The following PDE1C variants were observed in gnomAD, a reference collection of about 807,000 sequenced individuals.
PDE1C encodes dual specificity calcium/calmodulin-dependent 3',5'-cyclic nucleotide phosphodiesterase 1C.
Under a neutral mutation model 93.1 loss-of-function variants are expected in PDE1C, and 62 were observed. That is an observed-to-expected ratio of 0.67 (90% confidence interval 0.54 to 0.82). PDE1C has a LOEUF of 0.82. Among genes scored for constraint, PDE1C ranks in the 40% least tolerant of loss-of-function variants. PDE1C has a pLI of 0.00. For synonymous variants in PDE1C, 325 were observed against 310.1 expected (o/e 1.05, Z -0.50); for missense variants, 742 against 884.6 (o/e 0.84, Z 2.04).
chr7:32,323,230 G>A (rs1362406522), intron 1 of PDE1C, among the ~76,000 whole-genome samples: 1 of 152,074 alleles, frequency 6.6e-6, no homozygotes, highest in East Asian at 1.9e-4. Flanking sequence ...AATAGAAAAA[G>A]CCAAAATAAA....
At chr7:32,410,844 C>G (rs1785155474) in intron 1 of PDE1C, among the ~76,000 whole-genome samples, 2 of 152,200 alleles carry the variant, frequency 1.3e-5, no homozygotes, top group African/African-American at 4.8e-5. Context: ...TTCAGGCCCA[C>G]AAGTGTGATG....
At chr7:32,280,705 A>G (rs938327173) in intron 1 of PDE1C, among the ~76,000 whole-genome samples, 1 of 152,208 alleles carries the variant, frequency 6.6e-6, no homozygotes, top group African/African-American at 2.4e-5. Flanking sequence ...TCCATCAAGA[A>G]TAAAAATGAG....
intron 2 of PDE1C, among the ~76,000 whole-genome samples, chr7:31,956,591 G>A (rs2129023099): frequency 6.6e-6 from 1 of 151,394 alleles, no homozygotes; most frequent in East Asian, 1.9e-4. Context: ...TCTTTAGATA[G>A]GTTACACAGA....
chr7:32,414,291 T>C (rs774624407), intron 1 of PDE1C, among the ~76,000 whole-genome samples: 53 of 151,076 alleles, frequency 3.5e-4, no homozygotes, highest in Non-Finnish European at 5.7e-4. Context: ...CACAGAACAC[T>C]CATTAAAAAA....
intron 2 of PDE1C, among the ~76,000 whole-genome samples, chr7:31,960,836 G>A (rs1808836102): frequency 6.6e-6 from 1 of 152,196 alleles, no homozygotes; most frequent in Non-Finnish European, 1.5e-5. Flanking sequence ...TCTAACAGGT[G>A]TATCAGTCAA....
At chr7:32,172,795 C>G (rs1326671639) in intron 2 of PDE1C, among the ~76,000 whole-genome samples, 2 of 145,006 alleles carry the variant, frequency 1.4e-5, no homozygotes, top group East Asian at 4.0e-4. Context: ...GCACTCCAGC[C>G]TGGGCAACAA....
At chr7:31,797,779 G>A (rs911294545) in intron 16 of PDE1C, among the ~76,000 whole-genome samples, 2 of 151,634 alleles carry the variant, frequency 1.3e-5, no homozygotes, top group Non-Finnish European at 3.0e-5. Context: ...TAAAAACAAC[G>A]CAGTATCGTC....
intron 2 of PDE1C, among the ~76,000 whole-genome samples, chr7:31,977,061 C>T (rs556134942): frequency 6.6e-6 from 1 of 152,276 alleles, no homozygotes; most frequent in East Asian, 1.9e-4. Flanking sequence ...TTCAGAAACA[C>T]TAAATTTAAG....
At chr7:32,427,054 C>A (rs1328942131) in intron 1 of PDE1C, among the ~76,000 whole-genome samples, 1 of 152,130 alleles carries the variant, frequency 6.6e-6, no homozygotes, top group Non-Finnish European at 1.5e-5. Flanking sequence ...ACAGGATCTG[C>A]CCCGACGAAA....
In PDE1C at chr7:32,372,283, G is replaced by T. The variant is rs762442263; in HGVS notation, c.310+55539C>A. On this transcript the variant is annotated intron_variant, in intron 1 of 1. Transcript: ENST00000672256. Reference sequence around the variant, plus strand: ...TGGCCAGGCTGGTCTTGAACTCCTGGTCTCAAATGATCCACCCACCTCGGC... The same window carrying T: ...TGGCCAGGCTGGTCTTGAACTCCTGTTCTCAAATGATCCACCCACCTCGGC... 1.5e-4 allele frequency among the ~76,000 whole-genome samples: 23 copies of T among 152,002 alleles called. 1 individual carries two copies. Among genetic ancestry groups the T allele is most frequent in the Non-Finnish European group, 3.2e-4 (22 of 68,010 alleles).
intron 1 of PDE1C, among the ~76,000 whole-genome samples, chr7:32,234,443 A>C (rs1433228608): frequency 6.6e-6 from 1 of 151,994 alleles, no homozygotes; most frequent in Non-Finnish European, 1.5e-5. Flanking sequence ...GGCTCAACAC[A>C]GACCCTGCAG....
chr7:32,060,451 T>C (rs1056036032), intron 1 of PDE1C, among the ~76,000 whole-genome samples: 3 of 152,186 alleles, frequency 2.0e-5, no homozygotes, highest in African/African-American at 4.8e-5. Flanking sequence ...AAATCCTATC[T>C]TGTAGTAGCA....
the PDE1C span, among the ~76,000 whole-genome samples, chr7:31,701,198 T>C: frequency 6.6e-6 from 1 of 152,198 alleles, no homozygotes; most frequent in African/African-American, 2.4e-5. Flanking sequence ...TTAAGAACAT[T>C]TGTGACTCAA....
At chr7:32,151,688 G>T (rs1320025351) in intron 3 of PDE1C, among the ~76,000 whole-genome samples, 1 of 152,130 alleles carries the variant, frequency 6.6e-6, no homozygotes, top group Non-Finnish European at 1.5e-5. Flanking sequence ...TCTAGAAAAT[G>T]CAAACTAATC....
Position 31,840,773 on chromosome 7 carries a change from G to A in PDE1C, c.981-2802C>T, listed in dbSNP as rs115544497. On this transcript the variant is annotated intron_variant, in intron 9 of 17. Transcript: ENST00000396191. Reference sequence around the variant, plus strand: ...ACTCTCAATTCTGTCCCATAGTTACGTATGTCCATCTTTCACCAGTGAAAT... The same window carrying A: ...ACTCTCAATTCTGTCCCATAGTTACATATGTCCATCTTTCACCAGTGAAAT... Among the ~76,000 whole-genome samples the A allele has an allele frequency of 1.4e-3, 216 of 152,138 alleles. 2 individuals are homozygous for A. The highest frequency in any genetic ancestry group is 4.9e-3 in the African/African-American group (205 of 41,518).
chr7:31,877,225 G>C (rs753995736), intron 5 of PDE1C, among the ~76,000 whole-genome samples: 11 of 152,160 alleles, frequency 7.2e-5, no homozygotes, highest in Non-Finnish European at 1.2e-4. Context: ...ATCAAGTTTA[G>C]CAAATCTCAA....
chr7:32,294,532 C>A (rs1337742116), intron 1 of PDE1C, among the ~76,000 whole-genome samples: 1 of 152,128 alleles, frequency 6.6e-6, no homozygotes, highest in Non-Finnish European at 1.5e-5. Context: ...CAGGGAGGAG[C>A]ATCAAAAGAG....
chr7:32,403,848 G>A (rs1785000111), intron 1 of PDE1C, among the ~76,000 whole-genome samples: 1 of 152,100 alleles, frequency 6.6e-6, no homozygotes, highest in South Asian at 2.1e-4. Flanking sequence ...GGGTTGGTGG[G>A]GAGGAGTGAC....
At chr7:32,080,369 G>A (rs1375469433) in intron 3 of PDE1C, among the ~76,000 whole-genome samples, 1 of 152,102 alleles carries the variant, frequency 6.6e-6, no homozygotes, top group Non-Finnish European at 1.5e-5. Flanking sequence ...CAAGTACTGT[G>A]AAATTTATTT....
Sources: gnomAD v4.1 joint callset for allele counts (sites outside exome capture counted in the v4.1 genomes callset) on GRCh38, gnomAD v4.1.1 for gene constraint, MANE v1.5 for transcripts, NCBI Gene and HGNC (gene_info 2026-07-23, HGNC 2026-07-21) for gene names.